WDTC1: variants seen among roughly 807,000 people sequenced by gnomAD.
WDTC1 encodes the protein WD and tetratricopeptide repeats protein 1.
Under a neutral mutation model 76.0 loss-of-function variants are expected in WDTC1, and 12 were observed. That is an observed-to-expected ratio of 0.16 (90% CI 0.10 to 0.26). WDTC1 has a LOEUF of 0.26. WDTC1 is among the 10% of genes least tolerant of loss of function. The probability of loss-of-function intolerance (pLI) is 1.00; values close to 1 mark genes in which losing one functional copy is unlikely to be tolerated. For missense variants in WDTC1, 511 were observed against 908.8 expected (o/e 0.56, Z 5.63); for synonymous variants, 326 against 350.8 (o/e 0.93, Z 0.79).
chr1:27,299,737 G>A (rs1173943813), intron 12 of WDTC1, among the ~76,000 whole-genome samples: 1 of 152,114 alleles, frequency 6.6e-6, no homozygotes, highest in East Asian at 1.9e-4. Context: ...GGAGAGTTCT[G>A]AGCAGGAGAG....
chr1:27,275,736 C>G (rs1326306440), intron 3 of WDTC1, among the ~76,000 whole-genome samples: 1 of 152,106 alleles, frequency 6.6e-6, no homozygotes, highest in East Asian at 1.9e-4. Flanking sequence ...TGGGCCAAAT[C>G]CAGAATGTCG....
intron 3 of WDTC1, among the ~76,000 whole-genome samples, chr1:27,264,002 TA>T (rs545114279): frequency 2.8e-3 from 398 of 142,228 alleles, no homozygotes; most frequent in Admixed American, 3.0e-3. Context: ...AATAGGTGTT[TA>T]AAAAAAAAAA....
At position 27,306,725 on chromosome 1, in the gene WDTC1, T is replaced by C. The variant is rs924767679; in HGVS notation, c.*342T>C. The C allele has an allele frequency of 2.9e-6, 1 of 346,788 alleles. No homozygotes were observed. Among genetic ancestry groups the C allele is most frequent in the Non-Finnish European group, 5.4e-6 (1 of 184,522 alleles). 21.5% of individuals were successfully genotyped at this position (346,788 alleles called of 1,614,324 possible). On this transcript the variant is annotated 3_prime_UTR_variant, in exon 16 of 16. Coordinates refer to ENST00000319394, the MANE Select transcript of WDTC1 (RefSeq NM_001276252.2). The surrounding 1 kb of genome is among the most constrained non-coding windows in gnomAD (Gnocchi z 5.0). Reference sequence around the variant, plus strand: ...GTGGGGAGGAACAAGCTGAACTGTCTTCAGGGACTGTCCTGCCCTTTAGCT... The same window carrying C: ...GTGGGGAGGAACAAGCTGAACTGTCCTCAGGGACTGTCCTGCCCTTTAGCT...
At chr1:27,304,277 CT>C (rs1200212423) in intron 14 of WDTC1, 1 of 167,092 alleles carries the variant, frequency 6.0e-6, no homozygotes, top group Non-Finnish European at 1.3e-5. Flanking sequence ...TGTAGATGTA[CT>C]TTCTTTGGGT....
intron 1 of WDTC1, among the ~76,000 whole-genome samples, chr1:27,258,618 C>T (rs1342155200): frequency 5.3e-5 from 8 of 151,750 alleles, no homozygotes; most frequent in South Asian, 2.1e-4. Context: ...ATTATGGAGG[C>T]GTTAGCCCCA....
chr1:27,267,599 T>C (rs925775349), intron 3 of WDTC1, among the ~76,000 whole-genome samples: 7 of 152,202 alleles, frequency 4.6e-5, no homozygotes, highest in African/African-American at 1.7e-4. Context: ...TGGAATTGAC[T>C]AATATAATGA....
chr1:27,248,271 A>C (rs1384513037), intron 1 of WDTC1, among the ~76,000 whole-genome samples: 3 of 152,216 alleles, frequency 2.0e-5, no homozygotes, highest in Admixed American at 6.5e-5. Flanking sequence ...TCCCACTAAC[A>C]GTGTAAAAGT....
At position 27,305,158 on chromosome 1, in the gene WDTC1, G is replaced by C. The variant is rs373937974; in HGVS notation, c.1801G>C (p.Asp601His). 6.2e-7 allele frequency: 1 copy of C among 1,614,024 alleles called. No individual in the cohort carries two copies. Among genetic ancestry groups the C allele is most frequent in the Non-Finnish European group, 8.5e-7 (1 of 1,179,978 alleles). Residue 601 changes from aspartate (D) to histidine (H), a missense_variant, in exon 15 of 16, where the codon GAT (aspartate) becomes CAT (histidine). Transcript: ENST00000319394. This position sits in a 1 kb window ranked among gnomAD's most constrained non-coding sequence, Gnocchi z 4.6. ...SYCFLATSGI[D>H]PVVRLWNPRP... ...CTGCTTCCTGGCCACCAGTGGCATC[G>C]ATCCTGTTGTGCGGCTCTGGAACCC...
intron 4 of WDTC1, among the ~76,000 whole-genome samples, chr1:27,282,779 C>T (rs2013223135): frequency 6.6e-6 from 1 of 151,934 alleles, no homozygotes; most frequent in South Asian, 2.1e-4. Flanking sequence ...GCTAGGATTA[C>T]AGGCATGAAC....
chr1:27,268,062 A>G (rs538979037), intron 3 of WDTC1, among the ~76,000 whole-genome samples: 2 of 152,292 alleles, frequency 1.3e-5, no homozygotes, highest in Admixed American at 1.3e-4. Context: ...AACTTTTGCT[A>G]CTATCATACT....
At chr1:27,279,453 G>C (rs533659108) in intron 3 of WDTC1, among the ~76,000 whole-genome samples, 1 of 152,144 alleles carries the variant, frequency 6.6e-6, no homozygotes, top group Admixed American at 6.5e-5. Context: ...TGGGAGGATC[G>C]CTGGAGCCCG....
intron 1 of WDTC1, among the ~76,000 whole-genome samples, chr1:27,236,712 A>G (rs2011496953): frequency 6.6e-6 from 1 of 152,222 alleles, no homozygotes; most frequent in South Asian, 2.1e-4. Context: ...GGATCTGGAA[A>G]GACAACTGAA....
intron 3 of WDTC1, among the ~76,000 whole-genome samples, chr1:27,271,085 A>G (rs2147945684): frequency 6.6e-6 from 1 of 152,300 alleles, no homozygotes; most frequent in Non-Finnish European, 1.5e-5. Context: ...GGTTTTTGTA[A>G]ACAGAAGCAC....
Position 27,260,970 on chromosome 1 carries a change from A to C in WDTC1, c.-85A>C. The C allele has an allele frequency of 6.8e-7, 1 of 1,466,000 alleles. No individual in the cohort carries two copies. The highest frequency in any genetic ancestry group is 1.9e-5 in the Admixed American group (1 of 53,194). 90.8% of individuals were successfully genotyped at this position (1,466,000 alleles called of 1,614,324 possible). A position where few individuals can be genotyped will look rare whatever the true frequency, so the allele number is the denominator to read the frequency against. ...TTTTCCCCCAGGTAATTAAATGTGT[A>C]TTTTGTGGACCTGGGCTTGGCTGGA... On this transcript the variant is annotated 5_prime_UTR_variant, in exon 2 of 16. Transcript: ENST00000319394.
At chr1:27,281,439 CAAAA>C (rs891009695) in intron 3 of WDTC1, among the ~76,000 whole-genome samples, 1 of 61,244 alleles carries the variant, frequency 1.6e-5, no homozygotes, top group Non-Finnish European at 3.3e-5. Flanking sequence ...GACTCTGTCT[CAAAA>C]AAAAAAAAAA....
chr1:27,281,636 T>C lies in WDTC1; in HGVS notation c.133-603T>C, dbSNP rs375304892. On this transcript the variant is annotated intron_variant, in intron 3 of 15. Transcript: ENST00000319394. ...CACGGTCTGGCTCTGTCGCCCAGGC[T>C]GGAGTGCAGTGGTGCGATCTCAGCT... 1.1e-4 allele frequency among the ~76,000 whole-genome samples: 17 copies of C among 152,150 alleles called. No homozygotes were observed. In the East Asian group the frequency reaches 2.1e-3, roughly 19 times the overall value.
Position 27,294,019 on chromosome 1 carries a change from C to T in WDTC1, c.663-3C>T. On this transcript the variant is annotated splice_polypyrimidine_tract_variant and splice_region_variant and intron_variant, in intron 7 of 15. Transcript: ENST00000319394. ...TAACCTATATGATTTTCCTTCCCAC[C>T]AGAAAGAGCATGAAGCAGAGCCCTT... 1.9e-6 allele frequency: 3 copies of T among 1,613,670 alleles called. No homozygotes were observed. Among genetic ancestry groups the T allele is most frequent in the Non-Finnish European group, 2.5e-6 (3 of 1,179,736 alleles).
Position 27,234,830 on chromosome 1 carries a change from C to T in WDTC1, c.-221C>T, listed in dbSNP as rs574511001. The T allele has an allele frequency of 4.3e-5, 17 of 397,238 alleles. 1 individual carries two copies. The South Asian group carries it at 1.5e-3, about 36-fold the overall frequency. 24.6% of individuals were successfully genotyped at this position (397,238 alleles called of 1,614,324 possible). ...AGCATGGGAAGGGGCTAGAACTGCT[C>T]GAGCCCCCCAGCCCCCTCCCCGGGA... On this transcript the variant is annotated 5_prime_UTR_variant, in exon 1 of 16. Transcript: ENST00000319394.
chr1:27,250,398 C>T (rs1426266201), intron 1 of WDTC1, among the ~76,000 whole-genome samples: 1 of 152,132 alleles, frequency 6.6e-6, no homozygotes, highest in East Asian at 1.9e-4. Context: ...GATCCACCCA[C>T]CTCAGCATCC....
Sources: allele counts gnomAD v4.1 joint callset (sites outside exome capture counted in the v4.1 genomes callset), GRCh38; gene constraint gnomAD v4.1.1; non-coding constraint Gnocchi (gnomAD v3.1); transcripts MANE v1.5; gene names NCBI Gene and HGNC (gene_info 2026-07-23, HGNC 2026-07-21).